Variants in IARS2 observed in about 807,000 individuals in gnomAD.
IARS2 encodes isoleucine--tRNA ligase, mitochondrial.
IARS2 carries 56 observed loss-of-function variants against 126.3 expected under a neutral mutation model. The ratio of observed to expected loss-of-function variants is 0.44; its 90% CI spans 0.36 to 0.55. The LOEUF (loss-of-function observed/expected upper bound fraction) is 0.55, where lower values mean the gene tolerates loss of function less well. Among genes scored for constraint, IARS2 ranks in the 20% least tolerant of loss-of-function variants. The pLI, the probability that IARS2 is intolerant of heterozygous loss-of-function variation, is 0.00. For missense variants in IARS2, 1,127 were observed against 1,245.9 expected (o/e 0.90, Z 1.44); for synonymous variants, 407 against 441.1 (o/e 0.92, Z 0.97).
chr1:220,099,952 G>A (rs1351430099), intron 2 of IARS2, among the ~76,000 whole-genome samples: 1 of 152,126 alleles, frequency 6.6e-6, no homozygotes, highest in Admixed American at 6.6e-5. Flanking sequence ...GGAGGAAATT[G>A]TTTTCTGGAC....
chr1:220,142,891 A>G, intron 20 of IARS2, 53 bp from the exon 21 acceptor site: 1 of 1,288,446 alleles, frequency 7.8e-7, no homozygotes, highest in Non-Finnish European at 1.1e-6. Context: ...TTAGAGCTTC[A>G]TATACAGTTT....
intron 19 of IARS2, among the ~76,000 whole-genome samples, 176 bp downstream of exon 19, chr1:220,140,465 G>C (rs1657464792): frequency 6.6e-6 from 1 of 152,128 alleles, no homozygotes. Context: ...TGTAATCCGA[G>C]TCACTCAGGA....
chr1:220,126,805 G>C lies in IARS2; in HGVS notation c.1799G>C (p.Trp600Ser), dbSNP rs199751269. The C allele has an allele frequency of 1.9e-6, 3 of 1,613,214 alleles. No homozygotes were observed. Among genetic ancestry groups the C allele is most frequent in the African/African-American group, 1.3e-5 (1 of 74,984 alleles). The change falls in exon 14 of 23, where the codon TGG becomes TCG. Residue 600 changes from tryptophan to serine, a missense_variant. Transcript: ENST00000366922. ...YVPGQDILDIWFDSGTSWSYV... is the reference protein window; with the variant it reads ...YVPGQDILDISFDSGTSWSYV... ...CCAGGTCAGGATATTTTGGACATCTGGTTTGATAGCGGAACTTCATGGTCT... is the reference window on the plus strand; with the variant it reads ...CCAGGTCAGGATATTTTGGACATCTCGTTTGATAGCGGAACTTCATGGTCT...
In IARS2 at chr1:220,139,111, T is replaced by A; in HGVS notation, c.2279T>A (p.Leu760Gln). 1 of 1,609,764 alleles carries A rather than the reference T, an allele frequency of 6.2e-7. No homozygotes were observed. The highest frequency in any genetic ancestry group is 1.1e-5 in the South Asian group (1 of 89,732). The change falls in exon 18 of 23, where the codon CTA becomes CAA. Residue 760 changes from leucine to glutamine, a missense_variant. By Grantham distance (113) the Leu-to-Gln change is moderately radical. Transcript: ENST00000366922. ...NDMYVIDQYM[L>Q]HLLQDLANKI... The stretch of plus-strand genomic sequence containing the variant: ...ATGTATGTCATAGACCAGTACATGC[T>A]ACACTTACTGCAGGATTTGGCAAAC...
chr1:220,127,810 C>CTAT (rs1436920280), intron 14 of IARS2, among the ~76,000 whole-genome samples: 1 of 152,194 alleles, frequency 6.6e-6, no homozygotes, highest in East Asian at 1.9e-4. Context: ...TGTTTACTCT[C>CTAT]TATTACAAGT....
At chr1:220,127,534 G>A (rs903495817) in intron 14 of IARS2, among the ~76,000 whole-genome samples, 2 of 152,202 alleles carry the variant, frequency 1.3e-5, no homozygotes, top group African/African-American at 4.8e-5. Context: ...GAGTTCAAAT[G>A]AAGAACAAGG....
At chr1:220,145,258 G>A (rs147809187) in intron 21 of IARS2, among the ~76,000 whole-genome samples, 400 of 152,218 alleles carry the variant, frequency 2.6e-3, no homozygotes, top group African/African-American at 9.1e-3. Flanking sequence ...GTGACAATTA[G>A]AAGTAAGAGA....
chr1:220,138,987 A>T, intron 17 of IARS2, 21 bp from the exon 18 acceptor site: 1 of 1,594,196 alleles, frequency 6.3e-7, no homozygotes, highest in Non-Finnish European at 8.5e-7. Context: ...TTAACTGCAT[A>T]TTTTTTCTTC....
At chr1:220,144,814 A>G (rs1471880027) in intron 21 of IARS2, among the ~76,000 whole-genome samples, 1 of 152,194 alleles carries the variant, frequency 6.6e-6, no homozygotes, top group Non-Finnish European at 1.5e-5. Context: ...GGTTCTATCC[A>G]TTACTAATTG....
At chr1:220,100,166 T>G (rs1173464903) in intron 2 of IARS2, among the ~76,000 whole-genome samples, 2 of 152,230 alleles carry the variant, frequency 1.3e-5, no homozygotes, top group African/African-American at 4.8e-5. Context: ...TCTACTGTTT[T>G]AGTAAGGGTT....
intron 7 of IARS2, 101 bp from the exon 8 acceptor site, chr1:220,103,346 C>A: frequency 1.3e-6 from 1 of 749,038 alleles, no homozygotes; most frequent in Non-Finnish European, 2.2e-6. Flanking sequence ...CCGCGCTGGC[C>A]TGAAGTCAGT....
rs113428594 is a variant in IARS2 at position 220,137,856 on chromosome 1, A to C, written c.2050-62A>C. On this transcript the variant is annotated intron_variant, in intron 16 of 22. Coordinates refer to ENST00000366922, the MANE Select transcript of IARS2 (RefSeq NM_018060.4). ...TCTGAATAGGAGCTTTACCTAAAAC[A>C]TTTGTTCGGCTAATTGGAATTGAAA... is the stretch of plus-strand genomic sequence containing the variant. 2.6e-5 allele frequency: 41 copies of C among 1,591,962 alleles called. 1 individual carries two copies. The African/African-American group carries it at 4.2e-4, about 16-fold the overall frequency.
intron 2 of IARS2, among the ~76,000 whole-genome samples, chr1:220,096,773 G>A (rs984142870): frequency 3.6e-4 from 55 of 152,266 alleles, no homozygotes; most frequent in Non-Finnish European, 6.9e-4. Context: ...GAGACCAGGC[G>A]CAGTGGCTCA....
intron 20 of IARS2, 113 bp downstream of exon 20, chr1:220,142,061 G>C (rs550116320): frequency 1.1e-6 from 1 of 935,488 alleles, no homozygotes; most frequent in South Asian, 1.6e-5. Flanking sequence ...TGACTGCTGT[G>C]TGACACAGTG....
intron 11 of IARS2, among the ~76,000 whole-genome samples, chr1:220,111,548 T>G (rs1409271419): frequency 6.6e-6 from 1 of 150,864 alleles, no homozygotes; most frequent in Non-Finnish European, 1.5e-5. Flanking sequence ...TTTGAGCCCT[T>G]TCATTTAATA....
At chr1:220,137,683 G>A in intron 16 of IARS2, 1 of 455,094 alleles carries the variant, frequency 2.2e-6, no homozygotes, top group Non-Finnish European at 4.0e-6. Context: ...GAAGAGATTA[G>A]GTATGAGCAT....
intron 21 of IARS2, chr1:220,144,368 AC>A: frequency 1.6e-6 from 1 of 644,296 alleles, no homozygotes; most frequent in Non-Finnish European, 2.8e-6. Flanking sequence ...GTGCAGAAAG[AC>A]GGTGGAAGAG....
Position 220,139,054 on chromosome 1 carries a change from A to T in IARS2, c.2222A>T (p.Asn741Ile), listed in dbSNP as rs1476546463. The change falls in exon 18 of 23, where the codon AAC becomes ATC. Residue 741 changes from asparagine (N) to isoleucine (I), a missense_variant. By Grantham distance (149) the Asn-to-Ile change is moderately radical. Coordinates refer to ENST00000366922, the MANE Select transcript of IARS2 (RefSeq NM_018060.4). ...CTTTTGGGAAATGTGGCTGATTTCA[A>T]CCCAGAAACAGATTCCATCCCTGTA... ...RFLLGNVADF[N>I]PETDSIPVND... 1.9e-6 allele frequency: 3 copies of T among 1,613,296 alleles called. No individual in the cohort carries two copies. Among genetic ancestry groups the T allele is most frequent in the African/African-American group, 2.7e-5 (2 of 74,906 alleles).
intron 9 of IARS2, 24 bp from the exon 10 acceptor site, chr1:220,107,037 A>G (rs774093053): frequency 7.0e-7 from 1 of 1,426,266 alleles, no homozygotes; most frequent in Non-Finnish European, 9.9e-7. Flanking sequence ...TGATATTTTA[A>G]TTGTTCAAAA....
Sources: gnomAD v4.1 joint callset for allele counts (sites outside exome capture counted in the v4.1 genomes callset) on GRCh38, gnomAD v4.1.1 for gene constraint, MANE v1.5 for transcripts, NCBI Gene and HGNC (gene_info 2026-07-23, HGNC 2026-07-21) for gene names.